The following KIAA1217 variants were observed in gnomAD, a reference collection of about 807,000 sequenced individuals.
KIAA1217 encodes sickle tail protein homolog.
KIAA1217 carries 88 observed loss-of-function variants against 163.9 expected under a neutral mutation model. The observed-to-expected ratio is 0.54, with a 90% CI of 0.45 to 0.64. The LOEUF is 0.64. Among genes scored for constraint, KIAA1217 ranks in the 30% least tolerant of loss-of-function variants. The pLI is 0.00. For missense variants in KIAA1217, 2,372 were observed against 2,475.0 expected (o/e 0.96, Z 0.88); for synonymous variants, 903 against 923.1 (o/e 0.98, Z 0.39).
At chr10:23,704,146 A>ATGTATGTG (rs1400240204) in intron 1 of KIAA1217, among the ~76,000 whole-genome samples, 758 of 64,528 alleles carry the variant, frequency 0.012, 52 homozygotes, top group Admixed American at 0.016. Context: ...GTGTGTGTGT[A>ATGTATGTG]TGTGTGTGTG....
At chr10:24,405,637 A>C (rs2057126627) in intron 3 of KIAA1217, among the ~76,000 whole-genome samples, 1 of 152,200 alleles carries the variant, frequency 6.6e-6, no homozygotes, top group South Asian at 2.1e-4. Context: ...TTTTGATATG[A>C]GGTGTCATTT....
chr10:23,754,839 C>CT lies in KIAA1217; in HGVS notation c.-321+59617dup, dbSNP rs36008020. Among the ~76,000 whole-genome samples, 394 of 146,124 alleles carry CT rather than the reference C, an allele frequency of 2.7e-3. 3 individuals are homozygous for CT. The highest frequency in any genetic ancestry group is 8.1e-3 in the African/African-American group (323 of 40,022). ...AGGGCCGTTGTACCATTTCCTGCAA[C>CT]TTTTTTTTTTTTCCTAAATGAGACT... On this transcript the variant is annotated intron_variant, in intron 1 of 18. Coordinates refer to the KIAA1217 transcript ENST00000376462.
chr10:24,077,207 TAC>T (rs1051601547), intron 2 of KIAA1217, among the ~76,000 whole-genome samples: 1 of 152,122 alleles, frequency 6.6e-6, no homozygotes, highest in African/African-American at 2.4e-5. Flanking sequence ...AGTTCAGGGT[TAC>T]ATGTGCAGGA....
chr10:23,967,899 A>ATG (rs58562978), intron 1 of KIAA1217, among the ~76,000 whole-genome samples: 25,476 of 143,758 alleles, frequency 0.18, 2,877 homozygotes, highest in East Asian at 0.5. Context: ...AATATATTAA[A>ATG]TGTGTGTGTG....
chr10:23,855,495 G>C (rs904747612), intron 1 of KIAA1217, among the ~76,000 whole-genome samples: 5 of 152,036 alleles, frequency 3.3e-5, no homozygotes, highest in African/African-American at 9.7e-5. Flanking sequence ...TATGTGTCTT[G>C]GGGTTGCTCT....
At chr10:24,159,956 A>G (rs1219802182) in intron 2 of KIAA1217, among the ~76,000 whole-genome samples, 1 of 152,134 alleles carries the variant, frequency 6.6e-6, no homozygotes, top group East Asian at 1.9e-4. Flanking sequence ...CACTTGTTGA[A>G]AAGCTTATTT....
intron 2 of KIAA1217, among the ~76,000 whole-genome samples, chr10:24,012,970 C>A (rs1447616531): frequency 1.3e-5 from 2 of 152,226 alleles, no homozygotes; most frequent in Admixed American, 6.5e-5. Context: ...TCTGCAAATT[C>A]TAATACTCGC....
chr10:24,026,742 ATTTTT>A lies in KIAA1217; in HGVS notation c.-171+19385_-171+19389del. 6.2e-3 allele frequency among the ~76,000 whole-genome samples: 435 copies of A among 70,094 alleles called. 4 individuals carry two copies. Among genetic ancestry groups the A allele is most frequent in the African/African-American group, 0.025 (422 of 16,968 alleles). 46.0% of individuals were successfully genotyped at this position (70,094 alleles called of 152,430 possible). On this transcript the variant is annotated intron_variant, in intron 2 of 18. Transcript: ENST00000376462. ...TTGCTTTCTATTATCTATTTCATTG[ATTTTT>A]TTTTTTTTTTTTTTTTGCTCTTTAT...
chr10:23,717,038 C>T (rs1837615082), intron 1 of KIAA1217, among the ~76,000 whole-genome samples: 1 of 152,054 alleles, frequency 6.6e-6, no homozygotes, highest in Non-Finnish European at 1.5e-5. Flanking sequence ...TGTTAAACAA[C>T]TAACCACACA....
intron 3 of KIAA1217, among the ~76,000 whole-genome samples, chr10:24,385,343 G>C (rs186463941): frequency 1.3e-5 from 2 of 152,230 alleles, no homozygotes; most frequent in Non-Finnish European, 2.9e-5. Flanking sequence ...TTCGCAAATG[G>C]TGTTAAAAGA....
At chr10:23,978,806 C>A (rs932834949) in intron 1 of KIAA1217, among the ~76,000 whole-genome samples, 18 of 152,120 alleles carry the variant, frequency 1.2e-4, no homozygotes, top group African/African-American at 4.1e-4. Context: ...CCTTGTACTT[C>A]AATAAGTAAT....
chr10:23,869,511 C>A (rs1462074030), intron 1 of KIAA1217, among the ~76,000 whole-genome samples: 1 of 152,016 alleles, frequency 6.6e-6, no homozygotes, highest in East Asian at 1.9e-4. Context: ...CCAGATGGGA[C>A]TTCTAAACTG....
At chr10:24,436,821 A>G (rs565732341) in intron 4 of KIAA1217, among the ~76,000 whole-genome samples, 2 of 151,336 alleles carry the variant, frequency 1.3e-5, no homozygotes, top group East Asian at 3.9e-4. Context: ...TCAACTGGAG[A>G]CAGTGACTTT....
intron 2 of KIAA1217, among the ~76,000 whole-genome samples, chr10:24,250,951 G>A (rs1027438924): frequency 2.6e-5 from 4 of 151,750 alleles, no homozygotes; most frequent in African/African-American, 9.7e-5. Flanking sequence ...ATTAGGCCAG[G>A]TGCTATGGCT....
chr10:24,246,954 AG>A (rs2073871903), intron 2 of KIAA1217, among the ~76,000 whole-genome samples: 2 of 151,608 alleles, frequency 1.3e-5, no homozygotes, highest in Non-Finnish European at 2.9e-5. Context: ...CGGAGGCTGC[AG>A]TGAACGGAGA....
chr10:24,526,440 C>T (rs1432339045), intron 13 of KIAA1217, among the ~76,000 whole-genome samples: 3 of 152,192 alleles, frequency 2.0e-5, no homozygotes, highest in African/African-American at 7.2e-5. Flanking sequence ...GCAGATCCGT[C>T]ACTTAAGACG....
intron 2 of KIAA1217, among the ~76,000 whole-genome samples, chr10:24,059,859 C>T (rs1431298381): frequency 1.3e-5 from 2 of 152,226 alleles, no homozygotes; most frequent in South Asian, 4.1e-4. Context: ...GCCACTGCGC[C>T]TGGCCTCTAT....
At chr10:24,134,232 G>T (rs1331563404) in intron 2 of KIAA1217, among the ~76,000 whole-genome samples, 1 of 152,174 alleles carries the variant, frequency 6.6e-6, no homozygotes, top group African/African-American at 2.4e-5. Flanking sequence ...TGGAGGAGAG[G>T]TGGCTGATGG....
intron 2 of KIAA1217, among the ~76,000 whole-genome samples, chr10:24,137,265 C>T (rs908561701): frequency 1.3e-5 from 2 of 152,204 alleles, no homozygotes; most frequent in African/African-American, 4.8e-5. Context: ...CATAGTTCCC[C>T]CTGCCCCAGG....
Sources: allele counts gnomAD v4.1 joint callset (sites outside exome capture counted in the v4.1 genomes callset), GRCh38; gene constraint gnomAD v4.1.1; transcripts MANE v1.5; gene names NCBI Gene and HGNC (gene_info 2026-07-23, HGNC 2026-07-21).